CEMIP: variants seen among roughly 807,000 people sequenced by gnomAD.
CEMIP encodes cell migration-inducing and hyaluronan-binding protein.
CEMIP carries 105 observed loss-of-function variants against 156.9 expected under a neutral mutation model. That is an observed-to-expected ratio of 0.67 (90% confidence interval 0.57 to 0.79). The LOEUF (loss-of-function observed/expected upper bound fraction) is 0.79, where lower values mean the gene tolerates loss of function less well. Ranked by LOEUF, CEMIP falls within the 30% of genes least tolerant of loss-of-function variation. The pLI is 0.00. For synonymous variants in CEMIP, 676 were observed against 668.4 expected (o/e 1.01, Z -0.17); for missense variants, 1,457 against 1,769.4 (o/e 0.82, Z 3.17).
intron 1 of CEMIP, chr15:80,842,088 T>C (rs1186997248): frequency 1.9e-6 from 1 of 530,308 alleles, no homozygotes; most frequent in Non-Finnish European, 3.9e-6. Flanking sequence ...GAAGATGTGA[T>C]GCCAGGTTCT....
chr15:80,789,352 C>T (rs894726441), intron 1 of CEMIP, among the ~76,000 whole-genome samples: 6 of 152,180 alleles, frequency 3.9e-5, no homozygotes, highest in East Asian at 1.9e-4. Context: ...TTCTCCCTTA[C>T]TTCCCTTCCT....
intron 1 of CEMIP, among the ~76,000 whole-genome samples, chr15:80,865,625 G>A (rs1898104942): frequency 6.6e-6 from 1 of 151,060 alleles, no homozygotes; most frequent in Non-Finnish European, 1.5e-5. Context: ...TGTGATGGTG[G>A]ATATCATGAA....
At chr15:80,782,764 T>G (rs974270474) in intron 1 of CEMIP, among the ~76,000 whole-genome samples, 2 of 152,212 alleles carry the variant, frequency 1.3e-5, no homozygotes, top group African/African-American at 4.8e-5. Flanking sequence ...GAAGAATACA[T>G]GCTACAGATG....
chr15:80,927,703 G>A (rs538449530), intron 19 of CEMIP, among the ~76,000 whole-genome samples: 17 of 152,222 alleles, frequency 1.1e-4, no homozygotes, highest in South Asian at 6.2e-4. Flanking sequence ...TGGTGCAATC[G>A]GGGCTGACAG....
chr15:80,856,042 A>C (rs1897845816), intron 1 of CEMIP, among the ~76,000 whole-genome samples: 1 of 152,228 alleles, frequency 6.6e-6, no homozygotes, highest in Non-Finnish European at 1.5e-5. Context: ...TTCCATTTAC[A>C]TGAAGTCCTA....
intron 3 of CEMIP, 148 bp from the exon 4 acceptor site, chr15:80,878,573 T>C: frequency 3.2e-6 from 3 of 944,506 alleles, no homozygotes; most frequent in Non-Finnish European, 3.3e-6. Context: ...TGTCAGGAGG[T>C]CTCTCAGCTC....
intron 10 of CEMIP, 65 bp downstream of exon 10, chr15:80,889,657 A>C: frequency 1.1e-4 from 182 of 1,595,586 alleles, no homozygotes; most frequent in Non-Finnish European, 1.4e-4. Flanking sequence ...TCTATAGATC[A>C]CAGACATTCT....
intron 1 of CEMIP, among the ~76,000 whole-genome samples, chr15:80,858,023 C>A (rs758997429): frequency 9.2e-5 from 14 of 152,060 alleles, no homozygotes; most frequent in East Asian, 1.9e-4. Context: ...GCCCATGTTG[C>A]ATGGGTGGAG....
chr15:80,798,552 A>G (rs1896291637), intron 1 of CEMIP, among the ~76,000 whole-genome samples: 1 of 152,220 alleles, frequency 6.6e-6, no homozygotes. Flanking sequence ...AACTTAAAAA[A>G]TCATTTTAAC....
chr15:80,872,037 C>T (rs1167211008), intron 1 of CEMIP, among the ~76,000 whole-genome samples: 1 of 152,184 alleles, frequency 6.6e-6, no homozygotes, highest in Non-Finnish European at 1.5e-5. Context: ...CCCAAGCACA[C>T]CTGTGTGGGA....
rs776476955 is a variant in CEMIP at position 80,948,911 on chromosome 15, A to T, written c.4073A>T (p.Lys1358Met). 5 of 1,614,226 alleles carry T rather than the reference A, an allele frequency of 3.1e-6. No homozygotes were observed. The highest frequency in any genetic ancestry group is 4.2e-6 in the Non-Finnish European group (5 of 1,180,012). The stretch of plus-strand genomic sequence containing the variant: ...GTTGTGCCCATCCCTGTGGTGAAGA[A>T]GAAGAAGTTGTGAGGACAGCTGCCG... Reference protein sequence around the residue: ...FQVVPIPVVKKKKL With the variant: ...FQVVPIPVVKMKKL Residue 1358 changes from lysine (K) to methionine (M), a missense_variant, in exon 30 of 30, where the codon AAG (lysine) becomes ATG (methionine). Lys to Met is a moderately conservative substitution (Grantham distance 95). Around this residue, in one of 5 missense-constraint regions of CEMIP, gnomAD observed 798 missense variants for 980.1 expected, o/e 0.81. Coordinates refer to ENST00000394685, the MANE Select transcript of CEMIP (RefSeq NM_001293298.2).
chr15:80,909,742 C>T, intron 14 of CEMIP: 1 of 420,398 alleles, frequency 2.4e-6, no homozygotes. Flanking sequence ...AGTGTTCCTT[C>T]AGAGCAAGTG....
chr15:80,863,215 A>T lies in CEMIP; in HGVS notation c.-175-10323A>T, dbSNP rs79993829. Reference sequence around the variant, plus strand: ...ACAAAAAAAGAGTGATGTATTTTTTAAAAAATCTGCTTATTTTAATGTCTC... The same window carrying T: ...ACAAAAAAAGAGTGATGTATTTTTTTAAAAATCTGCTTATTTTAATGTCTC... On this transcript the variant is annotated intron_variant, in intron 1 of 29. Transcript: ENST00000394685. Among the ~76,000 whole-genome samples, 874 of 152,332 alleles carry T rather than the reference A, an allele frequency of 5.7e-3. 9 individuals are homozygous for T. Among genetic ancestry groups the T allele is most frequent in the African/African-American group, 0.018 (765 of 41,558 alleles).
At chr15:80,792,670 A>G (rs1896111101) in intron 1 of CEMIP, among the ~76,000 whole-genome samples, 1 of 152,348 alleles carries the variant, frequency 6.6e-6, no homozygotes, top group East Asian at 1.9e-4. Flanking sequence ...AGAGATGGCC[A>G]TGCTGTGACT....
At chr15:80,800,617 T>C (rs945796341) in intron 1 of CEMIP, among the ~76,000 whole-genome samples, 3 of 152,242 alleles carry the variant, frequency 2.0e-5, no homozygotes, top group Non-Finnish European at 2.9e-5. Context: ...ATCAAACACA[T>C]GTCATGATCA....
At position 80,879,857 on chromosome 15, in the gene CEMIP, G is replaced by A. The variant is rs769751048; in HGVS notation, c.380+3G>A. The A allele has an allele frequency of 1.2e-6, 2 of 1,614,062 alleles. No individual in the cohort carries two copies. Among genetic ancestry groups the A allele is most frequent in the Admixed American group, 3.3e-5 (2 of 60,024 alleles). ...TTCACCATCATTTTGTATGGAAGGT[G>A]CGTAGACCACTCCTACAGATCAAAT... is the stretch of plus-strand genomic sequence containing the variant. On this transcript the variant is annotated splice_donor_region_variant and intron_variant, in intron 5 of 29. Coordinates refer to ENST00000394685, the MANE Select transcript of CEMIP (RefSeq NM_001293298.2).
intron 3 of CEMIP, 38 bp from the exon 4 acceptor site, chr15:80,878,683 G>T (rs776605899): frequency 4.3e-6 from 7 of 1,613,756 alleles, no homozygotes; most frequent in Non-Finnish European, 5.9e-6. Context: ...TGGTGAGGCT[G>T]GTAGATGGGA....
chr15:80,841,030 C>G (rs996428008), intron 1 of CEMIP, among the ~76,000 whole-genome samples: 1 of 152,170 alleles, frequency 6.6e-6, no homozygotes, highest in African/African-American at 2.4e-5. Flanking sequence ...CGGCCAGGGA[C>G]AGCTTGAGCG....
intron 10 of CEMIP, among the ~76,000 whole-genome samples, chr15:80,891,049 G>A (rs1040014097): frequency 2.0e-5 from 3 of 152,222 alleles, no homozygotes; most frequent in Non-Finnish European, 2.9e-5. Context: ...AACCTTGAAT[G>A]TTCCAGCTTT....
Sources: allele counts gnomAD v4.1 joint callset (sites outside exome capture counted in the v4.1 genomes callset), GRCh38; gene constraint gnomAD v4.1.1; regional missense constraint gnomAD v4.1.1; transcripts MANE v1.5; gene names NCBI Gene and HGNC (gene_info 2026-07-23, HGNC 2026-07-21).